PTK7: variants seen among roughly 807,000 people sequenced by gnomAD.
PTK7 encodes the protein inactive tyrosine-protein kinase 7.
Under a neutral mutation model 116.6 loss-of-function variants are expected in PTK7, and 39 were observed. That is an observed-to-expected ratio of 0.33 (90% CI 0.26 to 0.44). PTK7 has a LOEUF of 0.44. Ranked by LOEUF, PTK7 falls within the 20% of genes least tolerant of loss-of-function variation. The pLI, the probability that PTK7 is intolerant of heterozygous loss-of-function variation, is 1.00. For missense variants in PTK7, 1,169 were observed against 1,425.6 expected (o/e 0.82, Z 2.90); for synonymous variants, 546 against 563.6 (o/e 0.97, Z 0.44).
At chr6:43,125,925 C>T (rs1769262632) in intron 1 of PTK7, among the ~76,000 whole-genome samples, 3 of 152,260 alleles carry the variant, frequency 2.0e-5, no homozygotes, top group African/African-American at 7.2e-5. Flanking sequence ...CCCACCATGT[C>T]TGCAGAAGCT....
At chr6:43,099,946 G>A (rs2150388690) in intron 1 of PTK7, among the ~76,000 whole-genome samples, 1 of 152,154 alleles carries the variant, frequency 6.6e-6, no homozygotes, top group Admixed American at 6.5e-5. Flanking sequence ...GGAATGCAAT[G>A]GCACGATTCT....
At chr6:43,102,283 G>T (rs1767625843) in intron 1 of PTK7, among the ~76,000 whole-genome samples, 1 of 152,182 alleles carries the variant, frequency 6.6e-6, no homozygotes, top group South Asian at 2.1e-4. Context: ...AAATTAGCTG[G>T]GCATGGTGGC....
intron 1 of PTK7, among the ~76,000 whole-genome samples, chr6:43,088,734 G>A (rs1458257532): frequency 1.4e-5 from 2 of 147,346 alleles, no homozygotes; most frequent in Non-Finnish European, 3.0e-5. Flanking sequence ...AATAAATAAA[G>A]AGTTATGGTG....
In PTK7 at chr6:43,076,665, G is replaced by A; in HGVS notation, c.79+98G>A. The A allele has an allele frequency of 7.0e-7, 1 of 1,430,508 alleles. No homozygotes were observed. 88.6% of individuals were successfully genotyped at this position (1,430,508 alleles called of 1,614,324 possible). Reference sequence around the variant, plus strand: ...GGCGGTGGGTTTGGGCGGCTGGAACGGCCCTGGAGTAGTGGAGAGGCTCGC... The same window carrying A: ...GGCGGTGGGTTTGGGCGGCTGGAACAGCCCTGGAGTAGTGGAGAGGCTCGC... On this transcript the variant is annotated intron_variant, in intron 1 of 19. Transcript: ENST00000230419. This position sits in a 1 kb window ranked among gnomAD's most constrained non-coding sequence, Gnocchi z 5.7.
At chr6:43,109,607 G>A (rs573215494) in intron 1 of PTK7, among the ~76,000 whole-genome samples, 25 of 151,932 alleles carry the variant, frequency 1.6e-4, no homozygotes, top group Non-Finnish European at 2.9e-4. Flanking sequence ...GCTTACCAGC[G>A]TTGAGTGTTA....
rs147142239 is a variant in PTK7 at position 43,131,076 on chromosome 6, C to T, written c.812+415C>T. 7.8e-4 allele frequency among the ~76,000 whole-genome samples: 115 copies of T among 147,266 alleles called. 1 individual carries two copies. The highest frequency in any genetic ancestry group is 2.3e-3 in the African/African-American group (88 of 38,894). ...ACACACACACACACACACACACACA[C>T]ACTTTTTAGAGGAAGCAAACACCTC... On this transcript the variant is annotated intron_variant, in intron 5 of 19. Coordinates refer to ENST00000230419, the MANE Select transcript of PTK7 (RefSeq NM_002821.5).
At chr6:43,159,729 G>GT in intron 18 of PTK7, 59 bp from the exon 19 acceptor site, 5 of 1,555,724 alleles carry the variant, frequency 3.2e-6, no homozygotes, top group Non-Finnish European at 4.4e-6. Context: ...GGAGATGAGG[G>GT]TGCAGCGCCA....
At position 43,142,184 on chromosome 6, in the gene PTK7, C is replaced by T; in HGVS notation, c.1932C>T (p.Phe644=). The T allele has an allele frequency of 6.2e-7, 1 of 1,614,156 alleles. No homozygotes were observed. Among genetic ancestry groups the T allele is most frequent in the Non-Finnish European group, 8.5e-7 (1 of 1,180,038 alleles). The part of the protein sequence containing the change: ...PTKLGPRMHI[F]QNGSLVIHDV... ...TCTCCCCCGACAGGATGCACATCTT[C>T]CAGAATGGCTCCCTGGTGATCCATG... Residue 644 remains phenylalanine, a synonymous_variant, in exon 13 of 20, where the codon TTC becomes TTT. Transcript: ENST00000230419.
In PTK7 at chr6:43,145,729, A is replaced by G. The variant is rs1418871909; in HGVS notation, c.2640+297A>G. The stretch of plus-strand genomic sequence containing the variant: ...ACACTGCAGGGATGCCTTCCAGGTC[A>G]TCTTCTCTGACTCTTGTTTTCTTTG... On this transcript the variant is annotated intron_variant, in intron 16 of 19. Transcript: ENST00000230419. This position sits in a 1 kb window ranked among gnomAD's most constrained non-coding sequence, Gnocchi z 4.8. 2 of 229,032 alleles carry G rather than the reference A, an allele frequency of 8.7e-6. No homozygotes were observed. The highest frequency in any genetic ancestry group is 4.5e-5 in the African/African-American group (2 of 44,160). 14.2% of individuals were successfully genotyped at this position (229,032 alleles called of 1,614,324 possible).
At chr6:43,109,518 A>G (rs1768074742) in intron 1 of PTK7, among the ~76,000 whole-genome samples, 1 of 152,142 alleles carries the variant, frequency 6.6e-6, no homozygotes, top group South Asian at 2.1e-4. Flanking sequence ...TTAGTACAAT[A>G]TTACCAAACA....
chr6:43,107,430 G>A (rs1028458547), intron 1 of PTK7, among the ~76,000 whole-genome samples: 1 of 152,124 alleles, frequency 6.6e-6, no homozygotes, highest in Non-Finnish European at 1.5e-5. Context: ...TCTTTGTCTC[G>A]TTTCCTTATC....
intron 1 of PTK7, among the ~76,000 whole-genome samples, chr6:43,099,977 G>A (rs943784643): frequency 1.4e-4 from 22 of 152,062 alleles, no homozygotes; most frequent in Non-Finnish European, 2.9e-5. Context: ...CCTCCCAGGT[G>A]TCTGGGATTA....
In PTK7 at chr6:43,142,163, C is replaced by T. The variant is rs756701190; in HGVS notation, c.1920-9C>T. On this transcript the variant is annotated splice_polypyrimidine_tract_variant and intron_variant, in intron 12 of 19. Transcript: ENST00000230419. ...GAGCTGGCCAGCACTATGGCTTCTC[C>T]CCCGACAGGATGCACATCTTCCAGA... 2 of 1,613,824 alleles carry T rather than the reference C, an allele frequency of 1.2e-6. No individual in the cohort carries two copies. Among genetic ancestry groups the T allele is most frequent in the Non-Finnish European group, 1.7e-6 (2 of 1,179,954 alleles).
intron 7 of PTK7, 132 bp downstream of exon 7, chr6:43,132,819 C>T (rs1769778480): frequency 3.9e-6 from 5 of 1,278,608 alleles, no homozygotes; most frequent in Non-Finnish European, 5.5e-6. Context: ...GGAATCAGTT[C>T]ACTACTGGGA....
rs1049379412 is a variant in PTK7 at position 43,145,061 on chromosome 6, G to A, written c.2408-139G>A. The A allele has an allele frequency of 1.6e-6, 1 of 630,510 alleles. No homozygotes were observed. Among genetic ancestry groups the A allele is most frequent in the African/African-American group, 1.8e-5 (1 of 55,220 alleles). The allele number at this position is 630,510 out of a possible 1,614,324, so 39.1% of individuals were successfully genotyped here. A position where few individuals can be genotyped will look rare whatever the true frequency, so the allele number is the denominator to read the frequency against. On this transcript the variant is annotated intron_variant, in intron 15 of 19. Coordinates refer to ENST00000230419, the MANE Select transcript of PTK7 (RefSeq NM_002821.5). The surrounding 1 kb of genome is among the most constrained non-coding windows in gnomAD (Gnocchi z 4.8). The stretch of plus-strand genomic sequence containing the variant: ...CAGACACTGAAGCCTAAGGAGGGAG[G>A]GGGTCACAGCAGAACCGGGTCTCGT...
At position 43,129,991 on chromosome 6, in the gene PTK7, CGGCCCCTGGT is replaced by C. The variant is rs1259607145; in HGVS notation, c.470+167_470+176del. ...CCCTCCCCCAGATATTGCCCTATGC[CGGCCCCTGGT>C]GGCCTGAAGAGTGAGCCACATTGTG... On this transcript the variant is annotated intron_variant, in intron 3 of 19. Coordinates refer to ENST00000230419, the MANE Select transcript of PTK7 (RefSeq NM_002821.5). The surrounding 1 kb of genome is among the most constrained non-coding windows in gnomAD (Gnocchi z 4.5). Among the ~76,000 whole-genome samples, 9 of 152,316 alleles carry C rather than the reference CGGCCCCTGGT, an allele frequency of 5.9e-5. No individual in the cohort carries two copies. In the South Asian group the frequency reaches 1.9e-3, roughly 32 times the overall value.
At chr6:43,122,689 C>T (rs530153933) in intron 1 of PTK7, among the ~76,000 whole-genome samples, 4 of 151,074 alleles carry the variant, frequency 2.6e-5, no homozygotes, top group Non-Finnish European at 5.9e-5. Context: ...TCACTGCAAC[C>T]TCTGTCTCCC....
intron 1 of PTK7, among the ~76,000 whole-genome samples, chr6:43,125,742 T>G (rs1769249214): frequency 6.6e-6 from 1 of 152,220 alleles, no homozygotes; most frequent in Admixed American, 6.5e-5. Context: ...TCATGTATGT[T>G]TCCAGGTTTA....
chr6:43,149,342 A>G (rs1266733474), intron 17 of PTK7, among the ~76,000 whole-genome samples: 2 of 152,194 alleles, frequency 1.3e-5, no homozygotes, highest in African/African-American at 4.8e-5. Flanking sequence ...ACTGCACTCC[A>G]GCCTGGGCAA....
Sources: allele counts gnomAD v4.1 joint callset (sites outside exome capture counted in the v4.1 genomes callset), GRCh38; gene constraint gnomAD v4.1.1; non-coding constraint Gnocchi (gnomAD v3.1); transcripts MANE v1.5; gene names NCBI Gene and HGNC (gene_info 2026-07-23, HGNC 2026-07-21).